Variants in ZNF713 observed in about 807,000 individuals in gnomAD.
The protein encoded by ZNF713 is zinc finger protein 713.
A neutral mutation model predicts 28.7 loss-of-function variants in ZNF713; 21 were observed. The observed-to-expected ratio is 0.73, with a 90% CI of 0.52 to 1.05. ZNF713 has a LOEUF of 1.05. Ranked by LOEUF, ZNF713 falls within the 50% of genes least tolerant of loss-of-function variation. The probability of loss-of-function intolerance (pLI) is 0.00; values close to 1 mark genes in which losing one functional copy is unlikely to be tolerated. For missense variants in ZNF713, 458 were observed against 532.4 expected (o/e 0.86, Z 1.37); for synonymous variants, 167 against 178.0 (o/e 0.94, Z 0.49).
rs1324183434 is a variant in ZNF713 at position 55,923,662 on chromosome 7, G to A, written c.270G>A (p.Trp90Ter). The change falls in exon 6 of 7, where the codon TGG (tryptophan) becomes TGA (stop). Residue 90 changes from tryptophan to a stop codon, truncating the protein, a stop_gained. Transcript: ENST00000429591. LOFTEE classifies it low-confidence loss of function (END_TRUNC). ...CGCAGTTGGAGCTAGAGGAAGAATGGGTGATAGAAAGAGACAGCCTGCTGG... is the reference window on the plus strand; with the variant it reads ...CGCAGTTGGAGCTAGAGGAAGAATGAGTGATAGAAAGAGACAGCCTGCTGG... Reference protein sequence around the residue: ...VIAQLELEEEWVIERDSLLDT... With the variant: ...VIAQLELEEE The A allele has an allele frequency of 3.1e-6, 5 of 1,612,176 alleles. No homozygotes were observed. The highest frequency in any genetic ancestry group is 4.2e-6 in the Non-Finnish European group (5 of 1,179,198).
At chr7:55,936,264 C>CCA (rs1554338064) in intron 6 of ZNF713, among the ~76,000 whole-genome samples, 16 of 130,682 alleles carry the variant, frequency 1.2e-4, no homozygotes, top group East Asian at 6.7e-4. Flanking sequence ...GACTCTGTCC[C>CCA]AAAAAAAAAA....
intron 4 of ZNF713, among the ~76,000 whole-genome samples, chr7:55,915,934 A>G (rs546474710): frequency 6.6e-6 from 1 of 152,224 alleles, no homozygotes; most frequent in Non-Finnish European, 1.5e-5. Flanking sequence ...CAGAGGTTGA[A>G]AGGAGAAAAA....
At chr7:55,932,906 A>AAAAAAAAAG (rs1786267980) in intron 6 of ZNF713, among the ~76,000 whole-genome samples, 1 of 146,724 alleles carries the variant, frequency 6.8e-6, no homozygotes, top group Non-Finnish European at 1.5e-5. Context: ...AAAAAAAAAA[A>AAAAAAAAAG]AAAAGAAGCT....
chr7:55,925,990 A>G (rs1331034664), intron 6 of ZNF713, among the ~76,000 whole-genome samples: 1 of 152,042 alleles, frequency 6.6e-6, no homozygotes, highest in Admixed American at 6.6e-5. Context: ...ACAGACCCCC[A>G]ACTCGAAAAA....
intron 1 of ZNF713, among the ~76,000 whole-genome samples, chr7:55,893,040 G>T (rs1429659481): frequency 6.6e-6 from 1 of 151,092 alleles, no homozygotes; most frequent in East Asian, 2.0e-4. Flanking sequence ...CCGCCACCAC[G>T]CCCGGCTAAT....
In ZNF713 at chr7:55,924,575, G is replaced by A. The variant is rs142132090; in HGVS notation, c.307+876G>A. The A allele has an allele frequency of 1.5e-3, 221 of 152,286 alleles. 1 individual carries two copies. The highest frequency in any genetic ancestry group is 2.2e-3 in the Non-Finnish European group (153 of 68,058). 9.4% of individuals were successfully genotyped at this position (152,286 alleles called of 1,614,324 possible). ...CCCAGTATTTCACCCACATTCTCCT[G>A]TCAGAATTGAGATTATGGCTGGTCA... On this transcript the variant is annotated intron_variant, in intron 6 of 6. Coordinates refer to ENST00000429591, the MANE Select transcript of ZNF713 (RefSeq NM_182633.3).
At chr7:55,893,544 C>T (rs1785424545) in intron 1 of ZNF713, among the ~76,000 whole-genome samples, 1 of 152,076 alleles carries the variant, frequency 6.6e-6, no homozygotes, top group African/African-American at 2.4e-5. Flanking sequence ...GGTTTTATGA[C>T]TGGCTTTGGA....
intron 1 of ZNF713, 123 bp downstream of exon 1, chr7:55,887,803 G>GAGGCGGCGGCGGC (rs1294387368): frequency 1.3e-4 from 1 of 7,576 alleles, no homozygotes; most frequent in Admixed American, 1.0e-3. Context: ...GCGGAGGCGG[G>GAGGCGGCGGCGGC]GGGCGGCGGG....
intron 4 of ZNF713, among the ~76,000 whole-genome samples, chr7:55,917,252 T>A: frequency 7.8e-6 from 1 of 127,580 alleles, no homozygotes; most frequent in Non-Finnish European, 1.7e-5. Flanking sequence ...ACCAAAAGCA[T>A]CTGCATGGAA....
At position 55,887,869 on chromosome 7, in the gene ZNF713, GGCGGC is replaced by G. The variant is rs1252910942; in HGVS notation, c.-583+191_-583+195del. On this transcript the variant is annotated intron_variant, in intron 1 of 6. Coordinates refer to ENST00000429591, the MANE Select transcript of ZNF713 (RefSeq NM_182633.3). Reference sequence around the variant, plus strand: ...GCGGCGGCGGCGGGCGGCGGGCGGCGGCGGCGGCGGCGGCGGCGGGCGGCGGCGGC... The same window carrying G: ...GCGGCGGCGGCGGGCGGCGGGCGGCGGGCGGCGGCGGCGGGCGGCGGCGGC... 1.9e-3 allele frequency among the ~76,000 whole-genome samples: 29 copies of G among 15,248 alleles called. 5 individuals are homozygous for G. The highest frequency in any genetic ancestry group is 3.6e-3 in the African/African-American group (16 of 4,390). The allele number at this position is 15,248 out of a possible 152,430, so 10.0% of individuals were successfully genotyped here. A position where few individuals can be genotyped will look rare whatever the true frequency, so the allele number is the denominator to read the frequency against.
chr7:55,923,681 C>T lies in ZNF713; in HGVS notation c.289C>T (p.Leu97=), dbSNP rs1325942975. 2.5e-6 allele frequency: 4 copies of T among 1,612,038 alleles called. No individual in the cohort carries two copies. Among genetic ancestry groups the T allele is most frequent in the Non-Finnish European group, 3.4e-6 (4 of 1,178,996 alleles). ...AGAATGGGTGATAGAAAGAGACAGC[C>T]TGCTGGATACTCATCCAGGTAAGTG... ...EEEWVIERDS[L]LDTHPDGENR... is the part of the protein sequence containing the mutation. The change falls in exon 6 of 7, where the codon CTG becomes TTG. Residue 97 remains leucine (L), a synonymous_variant. Transcript: ENST00000429591.
At position 55,889,701 on chromosome 7, in the gene ZNF713, A is replaced by C. The variant is rs143318021; in HGVS notation, c.-583+2021A>C. Among the ~76,000 whole-genome samples, 259 of 152,004 alleles carry C rather than the reference A, an allele frequency of 1.7e-3. 2 individuals are homozygous for C. Among genetic ancestry groups the C allele is most frequent in the African/African-American group, 5.5e-3 (229 of 41,456 alleles). On this transcript the variant is annotated intron_variant, in intron 1 of 6. Transcript: ENST00000429591. Reference sequence around the variant, plus strand: ...ACCCATGCACTTTTTTTTTACCCCCAAAAAAGCAGTTTAATTTGAGTGCAG... The same window carrying C: ...ACCCATGCACTTTTTTTTTACCCCCCAAAAAGCAGTTTAATTTGAGTGCAG...
At chr7:55,919,509 T>G (rs1462482523) in intron 4 of ZNF713, among the ~76,000 whole-genome samples, 69 of 85,340 alleles carry the variant, frequency 8.1e-4, no homozygotes, top group African/African-American at 1.6e-3. Context: ...TTTTTTTTTT[T>G]TTTTTTTTTT....
intron 6 of ZNF713, chr7:55,924,035 T>G (rs1315013142): frequency 6.3e-6 from 1 of 157,534 alleles, no homozygotes; most frequent in African/African-American, 2.4e-5. Flanking sequence ...TTATCAGTAT[T>G]CTTTAAATCT....
intron 6 of ZNF713, chr7:55,924,703 GTC>G (rs1786062410): frequency 6.6e-6 from 1 of 152,026 alleles, no homozygotes; most frequent in African/African-American, 2.4e-5. Flanking sequence ...GTGAAACCCA[GTC>G]TCTACTAAAA....
chr7:55,897,504 C>G (rs1036476111), intron 1 of ZNF713, among the ~76,000 whole-genome samples: 1 of 151,890 alleles, frequency 6.6e-6, no homozygotes, highest in Non-Finnish European at 1.5e-5. Context: ...TGGTCTCAAA[C>G]TCCTGGGCTC....
intron 1 of ZNF713, 134 bp downstream of exon 1, chr7:55,887,814 CG>C (rs1562731504): frequency 6.9e-4 from 1 of 1,448 alleles, no homozygotes. Context: ...GGGCGGCGGG[CG>C]GCGGGCGGCG....
At chr7:55,936,600 T>C (rs1786352056) in intron 6 of ZNF713, among the ~76,000 whole-genome samples, 1 of 152,170 alleles carries the variant, frequency 6.6e-6, no homozygotes, top group African/African-American at 2.4e-5. Context: ...TGTCTAAGAA[T>C]GCTGAAGCTG....
intron 1 of ZNF713, among the ~76,000 whole-genome samples, chr7:55,897,585 A>T (rs1380474015): frequency 6.6e-6 from 1 of 152,128 alleles, no homozygotes; most frequent in African/African-American, 2.4e-5. Context: ...CACTGCGTCC[A>T]TCTGTCCTGT....
Sources: gnomAD v4.1 joint callset for allele counts (sites outside exome capture counted in the v4.1 genomes callset) on GRCh38, gnomAD v4.1.1 for gene constraint, MANE v1.5 for transcripts, NCBI Gene and HGNC (gene_info 2026-07-23, HGNC 2026-07-21) for gene names.